RAPGEF5: variants seen among roughly 807,000 people sequenced by gnomAD.
RAPGEF5 encodes the protein M-Ras-regulated GEF.
RAPGEF5 carries 65 observed loss-of-function variants against 125.2 expected under a neutral mutation model. That is an observed-to-expected ratio of 0.52 (90% CI 0.43 to 0.64). The LOEUF is 0.64. Ranked by LOEUF, RAPGEF5 falls within the 30% of genes least tolerant of loss-of-function variation. RAPGEF5 has a pLI of 0.00. For synonymous variants in RAPGEF5, 391 were observed against 385.9 expected, an observed-to-expected ratio of 1.01 and a Z score of -0.16; for missense variants, 958 against 1,048.1, an observed-to-expected ratio of 0.91 and a Z score of 1.19.
At chr7:22,352,523 G>A (rs918953238) in intron 1 of RAPGEF5, among the ~76,000 whole-genome samples, 15 of 152,262 alleles carry the variant, frequency 9.9e-5, no homozygotes, top group Non-Finnish European at 1.9e-4. Flanking sequence ...CGTCAGAAAA[G>A]TAAGAAAGGT....
intron 5 of RAPGEF5, among the ~76,000 whole-genome samples, chr7:22,301,967 C>T (rs1393408701): frequency 6.6e-6 from 1 of 152,188 alleles, no homozygotes; most frequent in East Asian, 1.9e-4. Context: ...CTGTTAGTCG[C>T]TGAAGGCCTT....
At chr7:22,172,376 G>A (rs1562738145) in intron 11 of RAPGEF5, among the ~76,000 whole-genome samples, 3 of 152,082 alleles carry the variant, frequency 2.0e-5, no homozygotes, top group Non-Finnish European at 4.4e-5. Flanking sequence ...TGCATGCCTC[G>A]GGCTCCCAAA....
intron 6 of RAPGEF5, among the ~76,000 whole-genome samples, chr7:22,276,907 C>A (rs1782571392): frequency 6.6e-6 from 1 of 152,162 alleles, no homozygotes; most frequent in African/African-American, 2.4e-5. Flanking sequence ...TATAGTTGAG[C>A]TGAATGACAG....
At chr7:22,346,761 T>C (rs911645873) in intron 1 of RAPGEF5, among the ~76,000 whole-genome samples, 16 of 152,206 alleles carry the variant, frequency 1.1e-4, no homozygotes, top group Middle Eastern at 3.2e-3. Context: ...TTTTCAGAAT[T>C]GTAACTTTAG....
intron 24 of RAPGEF5, 121 bp downstream of exon 24, chr7:22,130,916 C>T (rs573047978): frequency 7.4e-7 from 1 of 1,357,914 alleles, no homozygotes; most frequent in Admixed American, 2.7e-5. Context: ...CAAATAAGCT[C>T]CTTGAATTCG....
At chr7:22,308,992 G>T (rs1277053767) in intron 4 of RAPGEF5, among the ~76,000 whole-genome samples, 1 of 152,014 alleles carries the variant, frequency 6.6e-6, no homozygotes, top group Non-Finnish European at 1.5e-5. Context: ...TAGTATTGGA[G>T]GGTAGAAAAA....
At chr7:22,229,809 A>AT (rs772379092) in intron 8 of RAPGEF5, among the ~76,000 whole-genome samples, 1 of 152,210 alleles carries the variant, frequency 6.6e-6, no homozygotes, top group Non-Finnish European at 1.5e-5. Context: ...TATAACACTC[A>AT]TAATGATGCC....
chr7:22,176,511 A>G (rs1236040011), intron 11 of RAPGEF5, among the ~76,000 whole-genome samples: 1 of 152,140 alleles, frequency 6.6e-6, no homozygotes, highest in Non-Finnish European at 1.5e-5. Context: ...AAGCACAATT[A>G]AGGCTTTTTG....
intron 21 of RAPGEF5, among the ~76,000 whole-genome samples, chr7:22,139,605 A>G (rs879807385): frequency 6.6e-6 from 1 of 152,270 alleles, no homozygotes; most frequent in Non-Finnish European, 1.5e-5. Flanking sequence ...AAGAAAAAGA[A>G]TATTAAAATT....
chr7:22,169,859 C>CGAAAAAAAAAAAAAA (rs553302336), intron 11 of RAPGEF5, among the ~76,000 whole-genome samples: 1 of 25,936 alleles, frequency 3.9e-5, no homozygotes, highest in Non-Finnish European at 5.8e-5. Context: ...GACTCTGTGT[C>CGAAAAAAAAAAAAAA]AAAAAAAAAA....
chr7:22,152,386 G>A (rs1356906156), intron 17 of RAPGEF5, among the ~76,000 whole-genome samples: 2 of 152,076 alleles, frequency 1.3e-5, no homozygotes, highest in Non-Finnish European at 2.9e-5. Flanking sequence ...GAATTTATGA[G>A]AGCCATTTAT....
intron 9 of RAPGEF5, among the ~76,000 whole-genome samples, chr7:22,195,715 A>G (rs1785132868): frequency 6.6e-6 from 1 of 152,118 alleles, no homozygotes; most frequent in Non-Finnish European, 1.5e-5. Context: ...GCATATATTG[A>G]CCAAAAAAAC....
chr7:22,312,302 G>T (rs1783490203), intron 3 of RAPGEF5, among the ~76,000 whole-genome samples: 1 of 151,726 alleles, frequency 6.6e-6, no homozygotes. Flanking sequence ...TCTGCCTCCC[G>T]GGTTCAAGCG....
At chr7:22,205,246 A>G (rs1382952141) in intron 9 of RAPGEF5, among the ~76,000 whole-genome samples, 2 of 152,188 alleles carry the variant, frequency 1.3e-5, no homozygotes, top group East Asian at 3.8e-4. Flanking sequence ...ACTTTTCTGT[A>G]TTACAAAGTG....
intron 13 of RAPGEF5, among the ~76,000 whole-genome samples, chr7:22,161,446 A>T (rs1196750693): frequency 6.6e-6 from 1 of 151,666 alleles, no homozygotes; most frequent in East Asian, 1.9e-4. Flanking sequence ...GTGAAGTGCA[A>T]GGATCTCTCA....
intron 5 of RAPGEF5, 118 bp downstream of exon 5, chr7:22,308,221 G>T: frequency 4.0e-6 from 4 of 998,062 alleles, no homozygotes; most frequent in South Asian, 4.7e-5. Flanking sequence ...CTGAAAAATG[G>T]GGATAGTAAC....
At chr7:22,302,353 A>G (rs375153955) in intron 5 of RAPGEF5, among the ~76,000 whole-genome samples, 4 of 152,146 alleles carry the variant, frequency 2.6e-5, no homozygotes, top group African/African-American at 9.7e-5. Flanking sequence ...CCACAGCCAG[A>G]CCTTAGGAGT....
chr7:22,246,330 T>G (rs1175821957), intron 7 of RAPGEF5, among the ~76,000 whole-genome samples: 1 of 152,080 alleles, frequency 6.6e-6, no homozygotes, highest in Non-Finnish European at 1.5e-5. Context: ...TCAAACTATA[T>G]TATAAGGCTA....
intron 8 of RAPGEF5, among the ~76,000 whole-genome samples, chr7:22,224,783 G>A (rs1373593209): frequency 6.6e-6 from 1 of 151,726 alleles, no homozygotes; most frequent in East Asian, 1.9e-4. Context: ...GACTCGATTT[G>A]GAGACAGTCT....
Sources: gnomAD v4.1 joint callset for allele counts (sites outside exome capture counted in the v4.1 genomes callset) on GRCh38, gnomAD v4.1.1 for gene constraint, MANE v1.5 for transcripts, NCBI Gene and HGNC (gene_info 2026-07-23, HGNC 2026-07-21) for gene names.